The following GAP43 variants were observed in gnomAD, a reference collection of about 807,000 sequenced individuals.
GAP43 encodes the protein neuromodulin.
A neutral mutation model predicts 18.6 loss-of-function variants in GAP43; 6 were observed. The observed-to-expected ratio is 0.32, with a 90% confidence interval of 0.18 to 0.64. The LOEUF (loss-of-function observed/expected upper bound fraction) is 0.64. Ranked by LOEUF, GAP43 falls within the 30% of genes least tolerant of loss-of-function variation. The pLI is 0.78. For synonymous variants in GAP43, 115 were observed against 111.4 expected (o/e 1.03, Z -0.20); for missense variants, 292 against 295.5 (o/e 0.99, Z 0.09).
intron 2 of GAP43, among the ~76,000 whole-genome samples, chr3:115,695,553 G>C (rs1201476543): frequency 1.3e-5 from 2 of 152,126 alleles, no homozygotes; most frequent in Admixed American, 6.5e-5. Context: ...TTTATAGATG[G>C]AGAAATCAAA....
At position 115,668,705 on chromosome 3, in the gene GAP43, T is replaced by C. The variant is rs1052901454; in HGVS notation, c.31-7308T>C. 3.3e-5 allele frequency among the ~76,000 whole-genome samples: 5 copies of C among 151,994 alleles called. No homozygotes were observed. In the East Asian group the frequency reaches 7.9e-4, roughly 24 times the overall value. ...TCACAAAGTGCTGAGATTACAGGCA[T>C]GAGCCACAGCACCCAGCCACTTTCA... On this transcript the variant is annotated intron_variant, in intron 1 of 2. Transcript: ENST00000305124.
At chr3:115,653,757 ACT>A (rs1326565211) in intron 1 of GAP43, among the ~76,000 whole-genome samples, 1 of 152,040 alleles carries the variant, frequency 6.6e-6, no homozygotes, top group East Asian at 1.9e-4. Context: ...TGAAGTCCTC[ACT>A]CTGCACTGGC....
intron 2 of GAP43, among the ~76,000 whole-genome samples, chr3:115,688,908 G>A (rs1193166936): frequency 7.2e-5 from 11 of 152,150 alleles, no homozygotes; most frequent in African/African-American, 2.2e-4. Flanking sequence ...ACTTACTTCC[G>A]CAGCCTAGGA....
intron 2 of GAP43, among the ~76,000 whole-genome samples, chr3:115,718,069 C>G (rs1369328251): frequency 2.0e-5 from 3 of 152,218 alleles, no homozygotes; most frequent in Non-Finnish European, 4.4e-5. Flanking sequence ...CTTTCCCAGT[C>G]TACTTCCCTT....
At chr3:115,690,644 A>G (rs1192829422) in intron 2 of GAP43, among the ~76,000 whole-genome samples, 2 of 150,508 alleles carry the variant, frequency 1.3e-5, no homozygotes, top group Non-Finnish European at 2.9e-5. Context: ...AATTATTATC[A>G]TTTTGCCTAA....
At chr3:115,648,329 G>A (rs1488439691) in intron 1 of GAP43, among the ~76,000 whole-genome samples, 1 of 151,920 alleles carries the variant, frequency 6.6e-6, no homozygotes, top group Non-Finnish European at 1.5e-5. Context: ...CTGTCCACTG[G>A]GCTCTTTGTC....
In GAP43 at chr3:115,676,318, G is replaced by T; in HGVS notation, c.336G>T (p.Lys112Asn). The change falls in exon 2 of 3, where the codon AAG (lysine) becomes AAT (asparagine). Residue 112 changes from lysine (K) to asparagine (N), a missense_variant. Transcript: ENST00000305124. Reference sequence around the variant, plus strand: ...CAGGAGAAACTCCTTCCGAGGAGAAGAAGGGGGAGGGTGATGCTGCCACAG... The same window carrying T: ...CAGGAGAAACTCCTTCCGAGGAGAATAAGGGGGAGGGTGATGCTGCCACAG... ...GKAGETPSEE[K>N]KGEGDAATEQ... The T allele has an allele frequency of 1.2e-6, 2 of 1,614,152 alleles. No individual in the cohort carries two copies. Among genetic ancestry groups the T allele is most frequent in the Non-Finnish European group, 1.7e-6 (2 of 1,180,010 alleles).
intron 2 of GAP43, among the ~76,000 whole-genome samples, chr3:115,714,001 C>T (rs893830457): frequency 2.0e-5 from 3 of 152,154 alleles, no homozygotes; most frequent in Non-Finnish European, 4.4e-5. Flanking sequence ...CTGTTCTTTC[C>T]TTTACCATTC....
chr3:115,715,376 A>T (rs1031051184), intron 2 of GAP43, among the ~76,000 whole-genome samples: 2 of 152,132 alleles, frequency 1.3e-5, no homozygotes, highest in African/African-American at 4.8e-5. Flanking sequence ...GGCTTTCCTC[A>T]TTTGCCAGCT....
At chr3:115,678,841 C>T (rs1020785443) in intron 2 of GAP43, among the ~76,000 whole-genome samples, 2 of 150,882 alleles carry the variant, frequency 1.3e-5, no homozygotes, top group Non-Finnish European at 2.9e-5. Context: ...AGGTACTGTC[C>T]TCTTGGTTAG....
intron 1 of GAP43, among the ~76,000 whole-genome samples, chr3:115,629,672 T>A (rs1238188257): frequency 6.6e-6 from 1 of 152,226 alleles, no homozygotes; most frequent in African/African-American, 2.4e-5. Context: ...TTCTGGTGTC[T>A]ACCCTGTGAG....
intron 1 of GAP43, among the ~76,000 whole-genome samples, chr3:115,626,855 T>C (rs1708193572): frequency 6.6e-6 from 1 of 152,180 alleles, no homozygotes; most frequent in Non-Finnish European, 1.5e-5. Context: ...TTCCGACCTC[T>C]CTGCCTTTCC....
intron 2 of GAP43, among the ~76,000 whole-genome samples, chr3:115,714,668 T>G (rs1164743880): frequency 1.3e-5 from 2 of 151,102 alleles, no homozygotes; most frequent in East Asian, 3.9e-4. Flanking sequence ...CTACTAAAAC[T>G]AAATTTAAAA....
chr3:115,640,890 CTT>C (rs1047269617), intron 1 of GAP43, among the ~76,000 whole-genome samples: 1 of 151,476 alleles, frequency 6.6e-6, no homozygotes, highest in Non-Finnish European at 1.5e-5. Flanking sequence ...GTGAAATTCT[CTT>C]TCTTTCTCTT....
chr3:115,663,096 T>C (rs1708686378), intron 1 of GAP43, among the ~76,000 whole-genome samples: 1 of 152,182 alleles, frequency 6.6e-6, no homozygotes, highest in Admixed American at 6.5e-5. Context: ...TACACAGTCA[T>C]CAAACATATA....
At position 115,641,401 on chromosome 3, in the gene GAP43, C is replaced by A. The variant is rs576211728; in HGVS notation, c.30+17682C>A. Among the ~76,000 whole-genome samples, 59 of 150,978 alleles carry A rather than the reference C, an allele frequency of 3.9e-4. No homozygotes were observed. The East Asian group carries it at 0.01, about 27-fold the overall frequency. On this transcript the variant is annotated intron_variant, in intron 1 of 2. Transcript: ENST00000305124. ...AGGAGTTTGTGTGTGTGTGTGTATA[C>A]ATACACACATAGGGGTGTGCATATA... is the stretch of plus-strand genomic sequence containing the variant.
chr3:115,647,994 C>G (rs923955138), intron 1 of GAP43, among the ~76,000 whole-genome samples: 8 of 152,042 alleles, frequency 5.3e-5, no homozygotes, highest in Non-Finnish European at 7.4e-5. Context: ...GAATTGCAGA[C>G]TTTTTGAAGA....
chr3:115,627,133 C>T (rs115665411), intron 1 of GAP43, among the ~76,000 whole-genome samples: 3 of 122,716 alleles, frequency 2.4e-5, no homozygotes, highest in African/African-American at 6.2e-5. Context: ...TTTTTTCTTT[C>T]TTTTTTTTTT....
At chr3:115,717,151 T>A (rs1709519322) in intron 2 of GAP43, among the ~76,000 whole-genome samples, 1 of 152,050 alleles carries the variant, frequency 6.6e-6, no homozygotes, top group African/African-American at 2.4e-5. Context: ...TCAAGAAATA[T>A]TTACTGAGGT....
Sources: allele counts gnomAD v4.1 joint callset (sites outside exome capture counted in the v4.1 genomes callset), GRCh38; gene constraint gnomAD v4.1.1; transcripts MANE v1.5; gene names NCBI Gene and HGNC (gene_info 2026-07-23, HGNC 2026-07-21).